HSPH1: variants seen among roughly 807,000 people sequenced by gnomAD.
HSPH1 encodes the protein heat shock protein 105 kDa.
In HSPH1, 40 loss-of-function variants were observed where a neutral mutation model predicts 100.0. The ratio of observed to expected loss-of-function variants is 0.40; its 90% confidence interval spans 0.31 to 0.52. The LOEUF is 0.52. Ranked by LOEUF, HSPH1 falls within the 20% of genes least tolerant of loss-of-function variation. HSPH1 has a pLI of 0.54. For synonymous variants in HSPH1, 403 were observed against 344.0 expected (o/e 1.17, Z -1.90); for missense variants, 876 against 1,015.1 (o/e 0.86, Z 1.86).
intron 12 of HSPH1, among the ~76,000 whole-genome samples, chr13:31,143,182 G>GAA (rs1956157988): frequency 6.6e-6 from 1 of 152,098 alleles, no homozygotes; most frequent in Non-Finnish European, 1.5e-5. Context: ...GTTAACAACA[G>GAA]AAATTTTTCA....
rs760293814 is a variant in HSPH1 at position 31,137,258 on chromosome 13, A to G, written c.*60T>C. The G allele has an allele frequency of 5.9e-5, 56 of 945,456 alleles. No homozygotes were observed. Among genetic ancestry groups the G allele is most frequent in the Non-Finnish European group, 9.2e-5 (55 of 597,352 alleles). 58.6% of individuals were successfully genotyped at this position (945,456 alleles called of 1,614,324 possible). ...TAAATAGTTTCAGTATGTTATGTAG[A>G]GTCACATACTATGGCAAAAATATTT... On this transcript the variant is annotated 3_prime_UTR_variant, in exon 18 of 18. Coordinates refer to ENST00000320027, the MANE Select transcript of HSPH1 (RefSeq NM_006644.4).
At chr13:31,141,869 A>T (rs145161316) in intron 12 of HSPH1, among the ~76,000 whole-genome samples, 5 of 151,824 alleles carry the variant, frequency 3.3e-5, no homozygotes, top group Admixed American at 2.6e-4. Flanking sequence ...ATTTCTCATA[A>T]GCAACTTTGC....
intron 16 of HSPH1, 69 bp downstream of exon 16, chr13:31,138,712 C>G: frequency 6.4e-7 from 1 of 1,551,848 alleles, no homozygotes; most frequent in Non-Finnish European, 8.7e-7. Flanking sequence ...CATGATGATT[C>G]CCAGCTTAAG....
Position 31,135,831 on chromosome 13 carries a change from T to C in HSPH1, c.*1487A>G, listed in dbSNP as rs1955869483. ...AATAGTACTTATAATAAATTGGCTA[T>C]AGTTCTAAGATTAATCCCTTGTGGA... On this transcript the variant is annotated 3_prime_UTR_variant, in exon 18 of 18. Transcript: ENST00000320027. The C allele has an allele frequency of 6.6e-6, 1 of 152,168 alleles. No individual in the cohort carries two copies. Among genetic ancestry groups the C allele is most frequent in the Non-Finnish European group, 1.5e-5 (1 of 68,020 alleles). The allele number at this position is 152,168 out of a possible 1,614,324, so 9.4% of individuals were successfully genotyped here. A position where few individuals can be genotyped will look rare whatever the true frequency, so the allele number is the denominator to read the frequency against.
intron 13 of HSPH1, chr13:31,140,783 A>G (rs2137544457): frequency 5.4e-6 from 1 of 184,426 alleles, no homozygotes; most frequent in African/African-American, 2.3e-5. Flanking sequence ...TATTTCACAT[A>G]TTATTCTAGA....
chr13:31,151,657 A>G lies in HSPH1; in HGVS notation c.615T>C (p.His205=), dbSNP rs141066912. ...CACAAGCAGACACTTGAAAAGCTGA[A>G]TGTCCCATATCAACAAAAACCACTA... is the stretch of plus-strand genomic sequence containing the variant. ...PRIVVFVDMG[H]SAFQVSACAF... is the part of the protein sequence containing the mutation. Residue 205 remains histidine, a synonymous_variant, in exon 6 of 18, where the codon CAT becomes CAC. Transcript: ENST00000320027. 6.2e-7 allele frequency: 1 copy of G among 1,612,972 alleles called. No individual in the cohort carries two copies. Among genetic ancestry groups the G allele is most frequent in the African/African-American group, 1.3e-5 (1 of 74,880 alleles).
chr13:31,138,965 A>G, intron 15 of HSPH1, 35 bp downstream of exon 15: 2 of 1,587,618 alleles, frequency 1.3e-6, no homozygotes, highest in Admixed American at 1.7e-5. Context: ...AGTTTAAAAC[A>G]CAAGTACCAC....
In HSPH1 at chr13:31,151,868, A is replaced by G. The variant is rs1956500336; in HGVS notation, c.530-126T>C. On this transcript the variant is annotated intron_variant, in intron 5 of 17. Transcript: ENST00000320027. ...AAACAATTAAAGGTGAACACATTAC[A>G]TTCCTTTTATACCTGACTTCACACT... The G allele has an allele frequency of 5.7e-6, 4 of 700,366 alleles. No homozygotes were observed. The Admixed American group carries it at 1.2e-4, about 22-fold the overall frequency. 43.4% of individuals were successfully genotyped at this position (700,366 alleles called of 1,614,324 possible).
Position 31,143,882 on chromosome 13 carries a change from G to A in HSPH1, c.1626C>T (p.Pro542=), listed in dbSNP as rs751234993. Residue 542 remains proline (P), a synonymous_variant, in exon 12 of 18, where the codon CCC becomes CCT. Coordinates refer to ENST00000320027, the MANE Select transcript of HSPH1 (RefSeq NM_006644.4). ...QQDNSEAGTQ[P]QVQTDAQQTS... is the part of the protein sequence containing the mutation. ...TTTGTTGAGCATCAGTTTGTACCTGGGGCTGTGTTCCAGCTTCACTGTTGT... is the reference window on the plus strand; with the variant it reads ...TTTGTTGAGCATCAGTTTGTACCTGAGGCTGTGTTCCAGCTTCACTGTTGT... The A allele has an allele frequency of 1.9e-6, 3 of 1,609,962 alleles. No individual in the cohort carries two copies. Among genetic ancestry groups the A allele is most frequent in the East Asian group, 4.5e-5 (2 of 44,636 alleles).
intron 4 of HSPH1, 97 bp downstream of exon 4, chr13:31,154,536 G>T: frequency 7.4e-7 from 1 of 1,359,130 alleles, no homozygotes; most frequent in Non-Finnish European, 1.1e-6. Flanking sequence ...ACGGTCTCTA[G>T]TAACTAAAGA....
intron 5 of HSPH1, chr13:31,152,009 A>G: frequency 3.0e-6 from 1 of 335,106 alleles, no homozygotes; most frequent in Non-Finnish European, 5.5e-6. Context: ...GTGAAACATA[A>G]CCACGTATCA....
rs1446940211 is a variant in HSPH1, at chr13:31,136,081, G to A, written c.*1237C>T. On this transcript the variant is annotated 3_prime_UTR_variant, in exon 18 of 18. Transcript: ENST00000320027. ...GTTGTCACCTATCCTAAGTGCATGT[G>A]TCTTCTCCCCTACCTCCAACACTAC... is the stretch of plus-strand genomic sequence containing the variant. 1 of 151,886 alleles carries A rather than the reference G, an allele frequency of 6.6e-6. No homozygotes were observed. Among genetic ancestry groups the A allele is most frequent in the Non-Finnish European group, 1.5e-5 (1 of 68,012 alleles). The allele number at this position is 151,886 out of a possible 1,614,324, so 9.4% of individuals were successfully genotyped here.
chr13:31,161,258 C>T (rs1956896765), intron 1 of HSPH1, among the ~76,000 whole-genome samples: 1 of 152,192 alleles, frequency 6.6e-6, no homozygotes, highest in Non-Finnish European at 1.5e-5. Flanking sequence ...TCCTCTCACC[C>T]CCGTGAATCC....
chr13:31,135,062 T>C lies in HSPH1; in HGVS notation c.*2256A>G, dbSNP rs570374695. 2.0e-5 allele frequency: 3 copies of C among 152,372 alleles called. No homozygotes were observed. The East Asian group carries it at 5.8e-4, about 29-fold the overall frequency. The allele number at this position is 152,372 out of a possible 1,614,324, so 9.4% of individuals were successfully genotyped here. A position where few individuals can be genotyped will look rare whatever the true frequency, so the allele number is the denominator to read the frequency against. On this transcript the variant is annotated 3_prime_UTR_variant, in exon 18 of 18. Coordinates refer to ENST00000320027, the MANE Select transcript of HSPH1 (RefSeq NM_006644.4). ...AAATTTAATCTTTAAACAGCATTTATTCAAACTGGTGCATATCTTTGAGAT... is the reference window on the plus strand; with the variant it reads ...AAATTTAATCTTTAAACAGCATTTACTCAAACTGGTGCATATCTTTGAGAT...
In HSPH1 at chr13:31,150,186, A is replaced by C. The variant is rs766281912; in HGVS notation, c.909-4T>G. The C allele has an allele frequency of 1.9e-6, 3 of 1,556,612 alleles. No individual in the cohort carries two copies. Among genetic ancestry groups the C allele is most frequent in the Non-Finnish European group, 8.7e-7 (1 of 1,149,806 alleles). On this transcript the variant is annotated splice_region_variant and splice_polypyrimidine_tract_variant and intron_variant, in intron 7 of 17. Transcript: ENST00000320027. Reference sequence around the variant, plus strand: ...ACAGAGTTCTTCAAATTGTGACCTTAGCAAATAAAAACTTGTTTTTAGAAA... The same window carrying C: ...ACAGAGTTCTTCAAATTGTGACCTTCGCAAATAAAAACTTGTTTTTAGAAA...
Position 31,150,026 on chromosome 13 carries a change from G to A in HSPH1, c.1065C>T (p.Ala355=), listed in dbSNP as rs1450483005. ...TRIPAVKERI[A]KFFGKDISTT... is the part of the protein sequence containing the mutation. Reference sequence around the variant, plus strand: ...TGCTAATATCTTTTCCAAAGAATTTGGCAATTCTTTCCTTCACAGCTGGAA... The same window carrying A: ...TGCTAATATCTTTTCCAAAGAATTTAGCAATTCTTTCCTTCACAGCTGGAA... Residue 355 remains alanine (A), a synonymous_variant, in exon 8 of 18, where the codon GCC becomes GCT. Coordinates refer to ENST00000320027, the MANE Select transcript of HSPH1 (RefSeq NM_006644.4). 1.2e-6 allele frequency: 2 copies of A among 1,613,686 alleles called. No homozygotes were observed. Among genetic ancestry groups the A allele is most frequent in the Admixed American group, 1.7e-5 (1 of 59,968 alleles).
intron 3 of HSPH1, 21 bp from the exon 4 acceptor site, chr13:31,154,776 G>A (rs746006625): frequency 3.3e-5 from 53 of 1,604,942 alleles, no homozygotes; most frequent in Non-Finnish European, 4.3e-5. Flanking sequence ...GGGAAAAAAT[G>A]TTTTAAACAT....
intron 7 of HSPH1, among the ~76,000 whole-genome samples, 183 bp from the exon 8 acceptor site, chr13:31,150,365 G>A (rs148842835): frequency 1.3e-5 from 2 of 152,260 alleles, no homozygotes; most frequent in Admixed American, 1.3e-4. Flanking sequence ...GGTGCAGAAA[G>A]ATGATGCGGA....
chr13:31,158,341 G>A (rs1415877255), intron 2 of HSPH1, among the ~76,000 whole-genome samples: 1 of 152,094 alleles, frequency 6.6e-6, no homozygotes, highest in Non-Finnish European at 1.5e-5. Flanking sequence ...ACGAGCTCAG[G>A]AGTTCGAGAT....
Sources: gnomAD v4.1 joint callset for allele counts (sites outside exome capture counted in the v4.1 genomes callset) on GRCh38, gnomAD v4.1.1 for gene constraint, MANE v1.5 for transcripts, NCBI Gene and HGNC (gene_info 2026-07-23, HGNC 2026-07-21) for gene names.